ZNF536: variants seen among roughly 807,000 people sequenced by gnomAD.
ZNF536 encodes the protein zinc finger protein 536.
Under a neutral mutation model 84.5 loss-of-function variants are expected in ZNF536, and 13 were observed. The observed-to-expected ratio is 0.15, with a 90% CI of 0.10 to 0.24. The LOEUF is 0.24. Ranked by LOEUF, ZNF536 falls within the 10% of genes least tolerant of loss-of-function variation. The pLI, the probability that ZNF536 is intolerant of heterozygous loss-of-function variation, is 1.00. For synonymous variants in ZNF536, 811 were observed against 742.5 expected (o/e 1.09, Z -1.50); for missense variants, 1,536 against 1,747.5 (o/e 0.88, Z 2.16).
intron 1 of ZNF536, among the ~76,000 whole-genome samples, chr19:30,244,826 T>A (rs941675970): frequency 6.6e-6 from 1 of 152,152 alleles, no homozygotes. Context: ...GGTTGCCTAG[T>A]GGTTTTTTGT....
At chr19:30,491,154 A>T (rs1014430932) in intron 2 of ZNF536, among the ~76,000 whole-genome samples, 52 of 152,126 alleles carry the variant, frequency 3.4e-4, no homozygotes, top group Admixed American at 1.1e-3. Flanking sequence ...TCCTATCCTG[A>T]CTCAAGGAGC....
At chr19:30,569,199 CT>C (rs560908180) in intron 1 of ZNF536, among the ~76,000 whole-genome samples, 25 of 151,538 alleles carry the variant, frequency 1.6e-4, no homozygotes, top group Admixed American at 4.6e-4. Flanking sequence ...TTTTGTTCAA[CT>C]TTTTTTTTGT....
chr19:30,242,546 C>G (rs552901971), intron 1 of ZNF536, among the ~76,000 whole-genome samples: 1 of 152,306 alleles, frequency 6.6e-6, no homozygotes, highest in South Asian at 2.1e-4. Context: ...CCATCCTTTT[C>G]CATCCATGAC....
chr19:30,474,451 C>A (rs1294500412), intron 2 of ZNF536, among the ~76,000 whole-genome samples: 1 of 152,084 alleles, frequency 6.6e-6, no homozygotes, highest in East Asian at 1.9e-4. Flanking sequence ...CCTCAGACAC[C>A]CGCCCTTTTC....
intron 2 of ZNF536, among the ~76,000 whole-genome samples, chr19:30,343,539 G>A (rs542842798): frequency 1.3e-5 from 2 of 152,284 alleles, no homozygotes; most frequent in East Asian, 3.9e-4. Context: ...TGGAGATGAA[G>A]GGGAGGAAGA....
intron 2 of ZNF536, among the ~76,000 whole-genome samples, chr19:30,532,788 C>T (rs1029563511): frequency 4.6e-5 from 7 of 152,166 alleles, no homozygotes; most frequent in African/African-American, 1.7e-4. Flanking sequence ...ATCACTCCTT[C>T]TGGCAGCAGC....
At chr19:30,428,127 C>T (rs368563245) in intron 1 of ZNF536, among the ~76,000 whole-genome samples, 5 of 152,328 alleles carry the variant, frequency 3.3e-5, no homozygotes, top group African/African-American at 1.2e-4. Context: ...TAACTCCTTG[C>T]CTACCACGTA....
At chr19:30,283,526 G>C (rs1232287063) in intron 1 of ZNF536, among the ~76,000 whole-genome samples, 1 of 152,196 alleles carries the variant, frequency 6.6e-6, no homozygotes, top group Non-Finnish European at 1.5e-5. Context: ...GGACGTTGAT[G>C]CCAAACACAA....
At chr19:30,420,672 T>C (rs1227495576) in intron 1 of ZNF536, among the ~76,000 whole-genome samples, 2 of 152,178 alleles carry the variant, frequency 1.3e-5, no homozygotes, top group African/African-American at 4.8e-5. Context: ...CTCTTTTTTT[T>C]TGCCCTCTGA....
chr19:30,692,875 T>C (rs769584785), intron 1 of ZNF536, among the ~76,000 whole-genome samples: 22 of 152,340 alleles, frequency 1.4e-4, no homozygotes, highest in Middle Eastern at 3.4e-3. Context: ...TTTTGAAGTG[T>C]TTTATTAAAT....
intron 2 of ZNF536, among the ~76,000 whole-genome samples, chr19:30,309,738 G>A (rs1319334656): frequency 6.6e-6 from 1 of 152,180 alleles, no homozygotes; most frequent in Non-Finnish European, 1.5e-5. Flanking sequence ...AAATTAGATC[G>A]AAATGCTCTT....
At chr19:30,486,044 G>A (rs1005497292) in intron 2 of ZNF536, among the ~76,000 whole-genome samples, 1 of 151,828 alleles carries the variant, frequency 6.6e-6, no homozygotes, top group Admixed American at 6.6e-5. Flanking sequence ...AAAGGGAGAG[G>A]GTGCTCAGTC....
intron 2 of ZNF536, among the ~76,000 whole-genome samples, chr19:30,496,618 G>A (rs574570562): frequency 2.0e-5 from 3 of 152,144 alleles, no homozygotes; most frequent in Non-Finnish European, 4.4e-5. Context: ...ATTACATATG[G>A]GGAAAGGCAG....
At chr19:30,542,609 G>T (rs948977371) in intron 3 of ZNF536, among the ~76,000 whole-genome samples, 1 of 152,078 alleles carries the variant, frequency 6.6e-6, no homozygotes, top group Non-Finnish European at 1.5e-5. Context: ...ATAGTGAGAG[G>T]TTTCCCCGCA....
At chr19:30,322,483 C>T (rs190517193) in intron 2 of ZNF536, among the ~76,000 whole-genome samples, 2 of 152,132 alleles carry the variant, frequency 1.3e-5, no homozygotes, top group African/African-American at 4.8e-5. Flanking sequence ...TCCTGTCGCC[C>T]TAAGGACTCT....
At chr19:30,489,860 A>T (rs903119292) in intron 2 of ZNF536, among the ~76,000 whole-genome samples, 3 of 152,196 alleles carry the variant, frequency 2.0e-5, no homozygotes, top group Non-Finnish European at 4.4e-5. Flanking sequence ...GCTGAATAGA[A>T]TGTGAAAGTT....
intron 2 of ZNF536, among the ~76,000 whole-genome samples, chr19:30,448,488 T>C (rs1317498343): frequency 6.6e-6 from 1 of 152,198 alleles, no homozygotes; most frequent in Non-Finnish European, 1.5e-5. Flanking sequence ...AAGAAAGAAG[T>C]ACTTATTAAG....
At chr19:30,523,962 G>A (rs920677513) in intron 2 of ZNF536, among the ~76,000 whole-genome samples, 12 of 152,248 alleles carry the variant, frequency 7.9e-5, no homozygotes, top group African/African-American at 2.2e-4. Context: ...GGCAAAATCC[G>A]ATTGTGAAGT....
intron 2 of ZNF536, among the ~76,000 whole-genome samples, chr19:30,449,377 T>A (rs2052494246): frequency 6.6e-6 from 1 of 152,244 alleles, no homozygotes; most frequent in Non-Finnish European, 1.5e-5. Context: ...ATGGCATTAA[T>A]CTTTGCATCT....
Sources: allele counts gnomAD v4.1 joint callset (sites outside exome capture counted in the v4.1 genomes callset), GRCh38; gene constraint gnomAD v4.1.1; transcripts MANE v1.5; gene names NCBI Gene and HGNC (gene_info 2026-07-23, HGNC 2026-07-21).